The following SURF1 variants were observed in gnomAD, a reference collection of about 807,000 sequenced individuals.
SURF1 encodes SURF1 cytochrome c oxidase assembly factor, also known as surfeit locus protein 1.
A neutral mutation model predicts 34.1 loss-of-function variants in SURF1; 45 were observed. That is an observed-to-expected ratio of 1.32 (90% CI 1.04 to 1.69). SURF1 has a LOEUF of 1.69. Among genes scored for constraint, SURF1 ranks in the 40% most tolerant of loss-of-function variants. The pLI is 0.00. For missense variants in SURF1, 456 were observed against 384.6 expected (o/e 1.19, Z -1.55); for synonymous variants, 188 against 147.5 (o/e 1.27, Z -1.99).
chr9:133,352,409 A>T (rs2130006606), intron 7 of SURF1, 37 bp downstream of exon 7: 2 of 1,614,040 alleles, frequency 1.2e-6, no homozygotes, highest in Non-Finnish European at 1.7e-6. Flanking sequence ...TATTCACAAA[A>T]GCTACTTGTT....
rs2130010122 is a variant in SURF1, at chr9:133,352,775, A to C, written c.516-9T>G. ...TTACCAGGATGGTGACTCTAGGGTA[A>C]TGAAAGTGCTACTTCAGGTGGGGAG... On this transcript the variant is annotated splice_polypyrimidine_tract_variant and intron_variant, in intron 5 of 8. Coordinates refer to ENST00000371974, the MANE Select transcript of SURF1 (RefSeq NM_003172.4). 6.2e-7 allele frequency: 1 copy of C among 1,608,470 alleles called. No individual in the cohort carries two copies. The highest frequency in any genetic ancestry group is 1.1e-5 in the South Asian group (1 of 90,234).
intron 7 of SURF1, 21 bp downstream of exon 7, chr9:133,352,425 A>G (rs1214936559): frequency 3.1e-6 from 5 of 1,614,076 alleles, no homozygotes; most frequent in Non-Finnish European, 4.2e-6. Flanking sequence ...TTGTTCCGAG[A>G]TGGGCTGGTC....
At chr9:133,353,685 G>C in intron 5 of SURF1, 64 bp downstream of exon 5, 1 of 1,582,372 alleles carries the variant, frequency 6.3e-7, no homozygotes, top group East Asian at 2.2e-5. Context: ...AGGAAATAGT[G>C]ATGTAAATTA....
At chr9:133,352,278 G>T in intron 7 of SURF1, 136 bp from the exon 8 acceptor site, 1 of 1,372,780 alleles carries the variant, frequency 7.3e-7, no homozygotes, top group Non-Finnish European at 1.0e-6. Context: ...CCCCGCCCTT[G>T]TCCGCTCAGT....
rs2130015447 is a variant in SURF1 at position 133,353,916 on chromosome 9, C to T, written c.348G>A (p.Glu116=). The T allele has an allele frequency of 1.2e-6, 2 of 1,613,772 alleles. No individual in the cohort carries two copies. Among genetic ancestry groups the T allele is most frequent in the Non-Finnish European group, 1.7e-6 (2 of 1,180,038 alleles). ...PADPMELKNL[E]YRPVKVRGCF... Reference sequence around the variant, plus strand: ...ACCCCCTGACCTTCACTGGCCTATACTCCAGATTTTTCAGTTCCATTGGGC... The same window carrying T: ...ACCCCCTGACCTTCACTGGCCTATATTCCAGATTTTTCAGTTCCATTGGGC... The change falls in exon 5 of 9, where the codon GAG becomes GAA. Residue 116 remains glutamate (E), a synonymous_variant. Coordinates refer to ENST00000371974, the MANE Select transcript of SURF1 (RefSeq NM_003172.4).
chr9:133,354,652 C>T lies in SURF1; in HGVS notation c.323+7G>A. On this transcript the variant is annotated splice_region_variant and intron_variant, in intron 4 of 8. Transcript: ENST00000371974. ...AACAGGCCCTAGGGGGGCAGCCATGCACTCACTCGGCTGGCAGAGGGACAG... is the reference window on the plus strand; with the variant it reads ...AACAGGCCCTAGGGGGGCAGCCATGTACTCACTCGGCTGGCAGAGGGACAG... 6.2e-7 allele frequency: 1 copy of T among 1,612,502 alleles called. No homozygotes were observed. Among genetic ancestry groups the T allele is most frequent in the Non-Finnish European group, 8.5e-7 (1 of 1,180,024 alleles).
Position 133,352,279 on chromosome 9 carries a change from T to C in SURF1, c.752-137A>G, listed in dbSNP as rs1836440832. ...CGTTGGGTGACCATCCCCGCCCTTG[T>C]CCGCTCAGTACTTGCCTAGGTTCTT... On this transcript the variant is annotated intron_variant, in intron 7 of 8. Transcript: ENST00000371974. 7 of 1,377,898 alleles carry C rather than the reference T, an allele frequency of 5.1e-6. No individual in the cohort carries two copies. The East Asian group carries it at 1.7e-4, about 33-fold the overall frequency. The allele number at this position is 1,377,898 out of a possible 1,614,324, so 85.4% of individuals were successfully genotyped here.
At chr9:133,353,152 G>A (rs1836479823) in intron 5 of SURF1, among the ~76,000 whole-genome samples, 2 of 152,206 alleles carry the variant, frequency 1.3e-5, no homozygotes, top group Non-Finnish European at 2.9e-5. Flanking sequence ...GCAGCCGTGA[G>A]GAGCAGCCCT....
At position 133,352,554 on chromosome 9, in the gene SURF1, G is replaced by C. The variant is rs147165855; in HGVS notation, c.643C>G (p.Pro215Ala). ...TCTGGATTGTTCTCAGGGACAAAAG[G>C]CTGCCTGGTTTCTGTCAGCCTCACC... ...GMVRLTETRQ[P>A]FVPENNPERN... is the part of the protein sequence containing the mutation. Residue 215 changes from proline to alanine, a missense_variant, in exon 7 of 9, where the codon CCT becomes GCT. By Grantham distance (27) the Pro-to-Ala change is conservative. Transcript: ENST00000371974. 2.7e-5 allele frequency: 44 copies of C among 1,614,056 alleles called. No individual in the cohort carries two copies. The highest frequency in any genetic ancestry group is 5.0e-5 in the Admixed American group (3 of 59,998).
At position 133,351,972 on chromosome 9, in the gene SURF1, A is replaced by G. The variant is rs2130003187; in HGVS notation, c.844T>C (p.Ser282Pro). ...LQYIVTWYGLSAATSYLWFKK... is the reference protein window; with the variant it reads ...LQYIVTWYGLPAATSYLWFKK... ...AACCACAGGTAGGATGTAGCTGCAG[A>G]GAGTCCATACCTAGGGGTTGAAAGC... is the stretch of plus-strand genomic sequence containing the variant. Residue 282 changes from serine (S) to proline (P), a missense_variant, in exon 9 of 9, where the codon TCT (serine) becomes CCT (proline). Ser to Pro is a moderately conservative substitution (Grantham distance 74). Transcript: ENST00000371974. 2 of 1,613,910 alleles carry G rather than the reference A, an allele frequency of 1.2e-6. No homozygotes were observed. Among genetic ancestry groups the G allele is most frequent in the South Asian group, 1.1e-5 (1 of 91,014 alleles).
chr9:133,351,850 C>T lies in SURF1; in HGVS notation c.*63G>A. The T allele has an allele frequency of 1.3e-6, 2 of 1,543,844 alleles. No individual in the cohort carries two copies. The highest frequency in any genetic ancestry group is 2.3e-5 in the East Asian group (1 of 44,100). On this transcript the variant is annotated 3_prime_UTR_variant, in exon 9 of 9. Coordinates refer to ENST00000371974, the MANE Select transcript of SURF1 (RefSeq NM_003172.4). The stretch of plus-strand genomic sequence containing the variant: ...GAACTTTATACCAGTAGCACATGAT[C>T]CAGCATAAAGGCAGTCTTGAAATAC...
In SURF1 at chr9:133,356,390, C is replaced by CCGCACCCCGCACCT; in HGVS notation, c.54+9_54+10insAGGTGCGGGGTGCG. The CCGCACCCCGCACCT allele has an allele frequency of 7.2e-7, 1 of 1,390,478 alleles. No homozygotes were observed. Among genetic ancestry groups the CCGCACCCCGCACCT allele is most frequent in the South Asian group, 1.6e-5 (1 of 63,854 alleles). The allele number at this position is 1,390,478 out of a possible 1,614,324, so 86.1% of individuals were successfully genotyped here. ...CGCCCCGCACCCCGCACCCCGCACC[C>CCGCACCCCGCACCT]GGCGCTCACCCGTCCCAGCCCCGCC... On this transcript the variant is annotated intron_variant, in intron 1 of 8. Coordinates refer to ENST00000371974, the MANE Select transcript of SURF1 (RefSeq NM_003172.4).
rs1032041226 is a variant in SURF1, at chr9:133,351,766, G to A, written c.*147C>T. 1 of 971,150 alleles carries A rather than the reference G, an allele frequency of 1.0e-6. No individual in the cohort carries two copies. Among genetic ancestry groups the A allele is most frequent in the Non-Finnish European group, 1.6e-6 (1 of 630,414 alleles). 60.2% of individuals were successfully genotyped at this position (971,150 alleles called of 1,614,324 possible). On this transcript the variant is annotated 3_prime_UTR_variant, in exon 9 of 9. Coordinates refer to ENST00000371974, the MANE Select transcript of SURF1 (RefSeq NM_003172.4). ...AAGTTTTGGGAAAGTTCTTTGGACTGAAACCAAGCCAGGATTTTATGATGA... is the reference window on the plus strand; with the variant it reads ...AAGTTTTGGGAAAGTTCTTTGGACTAAAACCAAGCCAGGATTTTATGATGA...
chr9:133,352,119 T>A lies in SURF1; in HGVS notation c.775A>T (p.Ile259Phe). The change falls in exon 8 of 9, where the codon ATT (isoleucine) becomes TTT (phenylalanine). Residue 259 changes from isoleucine to phenylalanine, a missense_variant. Ile to Phe is a conservative substitution (Grantham distance 21, BLOSUM62 0). Transcript: ENST00000371974. Reference protein sequence around the residue: ...NFQSTVPGGPIGGQTRVTLRN... With the variant: ...NFQSTVPGGPFGGQTRVTLRN... Reference sequence around the variant, plus strand: ...AGAGTAACTCTGGTTTGCCCTCCAATGGGTCCTCCAGGGACTGTGCTCTCT... The same window carrying A: ...AGAGTAACTCTGGTTTGCCCTCCAAAGGGTCCTCCAGGGACTGTGCTCTCT... The A allele has an allele frequency of 2.5e-6, 4 of 1,606,474 alleles. No individual in the cohort carries two copies. The highest frequency in any genetic ancestry group is 2.6e-6 in the Non-Finnish European group (3 of 1,176,188).
chr9:133,352,287 G>A, intron 7 of SURF1, 145 bp from the exon 8 acceptor site: 9 of 1,398,016 alleles, frequency 6.4e-6, no homozygotes, highest in Non-Finnish European at 7.9e-6. Context: ...TGTCCGCTCA[G>A]TACTTGCCTA....
Position 133,356,455 on chromosome 9 carries a change from G to C in SURF1, c.-2C>G, listed in dbSNP as rs2130027017. The C allele has an allele frequency of 1.5e-5, 22 of 1,420,488 alleles. No homozygotes were observed. In the African/African-American group the frequency reaches 1.8e-4, roughly 12 times the overall value. The allele number at this position is 1,420,488 out of a possible 1,614,324, so 88.0% of individuals were successfully genotyped here. A position where few individuals can be genotyped will look rare whatever the true frequency, so the allele number is the denominator to read the frequency against. Reference sequence around the variant, plus strand: ...CTGCAACGCAGCCACCGCCGCCATCGCACCCGGCCCCGCGGGCGCTTCCGG... The same window carrying C: ...CTGCAACGCAGCCACCGCCGCCATCCCACCCGGCCCCGCGGGCGCTTCCGG... On this transcript the variant is annotated 5_prime_UTR_variant, in exon 1 of 9. Transcript: ENST00000371974.
At position 133,351,923 on chromosome 9, in the gene SURF1, G is replaced by A; in HGVS notation, c.893C>T (p.Pro298Leu). ...TCAGCAGCTGATCTGTCACACACCA[G>A]GTGTCCCACGTAGGAATTTCTTAAA... Reference protein sequence around the residue: ...LWFKKFLRGTPGV With the variant: ...LWFKKFLRGTLGV Residue 298 changes from proline (P) to leucine (L), a missense_variant, in exon 9 of 9, where the codon CCT becomes CTT. Transcript: ENST00000371974. 6.2e-7 allele frequency: 1 copy of A among 1,613,728 alleles called. No individual in the cohort carries two copies. Among genetic ancestry groups the A allele is most frequent in the Non-Finnish European group, 8.5e-7 (1 of 1,179,910 alleles).
At position 133,354,836 on chromosome 9, in the gene SURF1, C is replaced by T. The variant is rs1334031754; in HGVS notation, c.228G>A (p.Leu76=). ...TGCCGGTCTTTACCTGCCATGTCCC[C>T]AAGCCAAAGGCAGTCACAGGGATGA... is the stretch of plus-strand genomic sequence containing the variant. The part of the protein sequence containing the change: ...LLLIPVTAFG[L]GTWQVQRRKW... Residue 76 remains leucine (L), a synonymous_variant, in exon 3 of 9, where the codon TTG becomes TTA. Transcript: ENST00000371974. 1.2e-6 allele frequency: 2 copies of T among 1,613,872 alleles called. No individual in the cohort carries two copies. Among genetic ancestry groups the T allele is most frequent in the Non-Finnish European group, 1.7e-6 (2 of 1,180,042 alleles).
At chr9:133,352,654 C>G in intron 6 of SURF1, 40 bp downstream of exon 6, 1 of 1,613,710 alleles carries the variant, frequency 6.2e-7, no homozygotes, top group Non-Finnish European at 8.5e-7. Flanking sequence ...GGTGGACTCC[C>G]AGAGCCTTCT....
Sources: allele counts gnomAD v4.1 joint callset (sites outside exome capture counted in the v4.1 genomes callset), GRCh38; gene constraint gnomAD v4.1.1; transcripts MANE v1.5; gene names NCBI Gene and HGNC (gene_info 2026-07-23, HGNC 2026-07-21).